The following GALNTL6 variants were observed in gnomAD, a reference collection of about 807,000 sequenced individuals.
GALNTL6 encodes the protein polypeptide N-acetylgalactosaminyltransferase-like 6.
A neutral mutation model predicts 73.7 loss-of-function variants in GALNTL6; 46 were observed. The ratio of observed to expected loss-of-function variants is 0.62; its 90% CI spans 0.49 to 0.80. The LOEUF (loss-of-function observed/expected upper bound fraction) is 0.80, where lower values mean the gene tolerates loss of function less well. Ranked by LOEUF, GALNTL6 falls within the 30% of genes least tolerant of loss-of-function variation. The pLI is 0.00. For synonymous variants in GALNTL6, 259 were observed against 263.7 expected (o/e 0.98, Z 0.17); for missense variants, 604 against 755.0 (o/e 0.80, Z 2.34).
chr4:172,027,722 C>T (rs1741632547), intron 2 of GALNTL6, among the ~76,000 whole-genome samples: 1 of 152,076 alleles, frequency 6.6e-6, no homozygotes, highest in Admixed American at 6.6e-5. Context: ...GTCTTCTGTG[C>T]CAAACAGCTC....
intron 2 of GALNTL6, among the ~76,000 whole-genome samples, chr4:172,206,835 T>A (rs1736143307): frequency 8.1e-6 from 1 of 123,382 alleles, no homozygotes; most frequent in Admixed American, 9.5e-5. Context: ...TTTTTTTTTT[T>A]GAGACGGAGT....
chr4:172,930,915 T>G (rs562414215), intron 8 of GALNTL6, among the ~76,000 whole-genome samples: 1 of 152,296 alleles, frequency 6.6e-6, no homozygotes, highest in African/African-American at 2.4e-5. Flanking sequence ...TCCTCCCTCC[T>G]TGGCCTCCCA....
Position 171,830,518 on chromosome 4 carries a change from T to C in GALNTL6, c.138+15800T>C, listed in dbSNP as rs142663330. On this transcript the variant is annotated intron_variant, in intron 2 of 12. Coordinates refer to ENST00000506823, the MANE Select transcript of GALNTL6 (RefSeq NM_001034845.3). ...ATATGTATACAAAAAAATAAGAGTA[T>C]ACACAATCAAAATATGTATAAATAT... Among the ~76,000 whole-genome samples the C allele has an allele frequency of 5.6e-3, 855 of 152,260 alleles. 16 individuals carry two copies. The highest frequency in any genetic ancestry group is 0.029 in the East Asian group (151 of 5,178).
Position 172,624,281 on chromosome 4 carries a change from G to A in GALNTL6, c.554-185080G>A, listed in dbSNP as rs181009173. Among the ~76,000 whole-genome samples, 525 of 151,906 alleles carry A rather than the reference G, an allele frequency of 3.5e-3. 1 individual carries two copies. Among genetic ancestry groups the A allele is most frequent in the Middle Eastern group, 6.8e-3 (2 of 294 alleles). ...TGTTGTTTTTGTTTTTTGTTTGTTT[G>A]TTTGTTTTTGTTTTAAAGCTGCTTT... On this transcript the variant is annotated intron_variant, in intron 5 of 12. Transcript: ENST00000506823.
intron 2 of GALNTL6, among the ~76,000 whole-genome samples, chr4:171,968,596 G>T (rs1188812854): frequency 6.6e-6 from 1 of 152,088 alleles, no homozygotes; most frequent in South Asian, 2.1e-4. Context: ...GTTACATTCT[G>T]ATGTTCCAGG....
rs115747155 is a variant in GALNTL6 at position 172,013,898 on chromosome 4, C to T, written c.138+199180C>T. Among the ~76,000 whole-genome samples the T allele has an allele frequency of 6.1e-3, 866 of 141,180 alleles. 7 individuals are homozygous for T. The highest frequency in any genetic ancestry group is 0.021 in the African/African-American group (818 of 39,186). The allele number at this position is 141,180 out of a possible 152,430, so 92.6% of individuals were successfully genotyped here. On this transcript the variant is annotated intron_variant, in intron 2 of 12. Transcript: ENST00000506823. ...TACCCTTCCCAGACTCTGATACCATCCTTCTACTCTATACCTCCATGAGTT... is the reference window on the plus strand; with the variant it reads ...TACCCTTCCCAGACTCTGATACCATTCTTCTACTCTATACCTCCATGAGTT...
chr4:172,017,758 G>T (rs1364646530), intron 2 of GALNTL6, among the ~76,000 whole-genome samples: 1 of 152,120 alleles, frequency 6.6e-6, no homozygotes, highest in African/African-American at 2.4e-5. Flanking sequence ...CTAAGAGCCA[G>T]ACTGCAGGAT....
chr4:172,363,077 C>T (rs1188070050), intron 5 of GALNTL6, among the ~76,000 whole-genome samples: 1 of 152,166 alleles, frequency 6.6e-6, no homozygotes. Flanking sequence ...TCAAAGTCCA[C>T]CCTCCCTGAA....
At chr4:172,720,179 C>T (rs1471078792) in intron 5 of GALNTL6, among the ~76,000 whole-genome samples, 1 of 152,154 alleles carries the variant, frequency 6.6e-6, no homozygotes, top group African/African-American at 2.4e-5. Flanking sequence ...TGTTACAGGG[C>T]TTTTCCTTAG....
chr4:171,941,150 G>A (rs1578991504), intron 2 of GALNTL6, among the ~76,000 whole-genome samples: 2 of 152,116 alleles, frequency 1.3e-5, no homozygotes. Context: ...TATGAATTTG[G>A]AAAGAACTGT....
chr4:172,695,871 T>C (rs1579351961), intron 5 of GALNTL6, among the ~76,000 whole-genome samples: 1 of 151,920 alleles, frequency 6.6e-6, no homozygotes, highest in African/African-American at 2.4e-5. Context: ...GAGAATGGCA[T>C]GAACCCAGGA....
intron 2 of GALNTL6, among the ~76,000 whole-genome samples, chr4:172,024,712 A>G (rs1741502394): frequency 6.6e-6 from 1 of 151,994 alleles, no homozygotes; most frequent in Non-Finnish European, 1.5e-5. Context: ...GAGAGTATCC[A>G]GAAGTAGGCT....
At chr4:172,165,012 CAAAGAGGTT>C (rs1216981335) in intron 2 of GALNTL6, among the ~76,000 whole-genome samples, 4 of 152,060 alleles carry the variant, frequency 2.6e-5, no homozygotes, top group African/African-American at 9.7e-5. Context: ...AAGAGGATTC[CAAAGAGGTT>C]AAGGAAAATC....
intron 3 of GALNTL6, among the ~76,000 whole-genome samples, chr4:172,289,880 A>G (rs1471445055): frequency 6.6e-6 from 1 of 152,166 alleles, no homozygotes; most frequent in Non-Finnish European, 1.5e-5. Context: ...GACTTAAGCT[A>G]TTCTCTAGAC....
chr4:171,852,786 G>C (rs570384100), intron 2 of GALNTL6, among the ~76,000 whole-genome samples: 20 of 118,956 alleles, frequency 1.7e-4, no homozygotes, highest in African/African-American at 5.6e-4. Flanking sequence ...ATGAATTCCA[G>C]AGTCATATTA....
chr4:172,495,544 C>T (rs1734043495), intron 5 of GALNTL6, among the ~76,000 whole-genome samples: 1 of 152,190 alleles, frequency 6.6e-6, no homozygotes, highest in Admixed American at 6.5e-5. Context: ...CCGCTTTTGT[C>T]CTCCAGAGGA....
intron 2 of GALNTL6, among the ~76,000 whole-genome samples, chr4:171,907,614 T>C (rs992927440): frequency 3.9e-5 from 6 of 151,988 alleles, no homozygotes; most frequent in African/African-American, 1.5e-4. Flanking sequence ...AAGCTACCAA[T>C]GACTTTCTTC....
intron 5 of GALNTL6, among the ~76,000 whole-genome samples, chr4:172,503,047 T>TA (rs1183422403): frequency 6.6e-6 from 1 of 152,198 alleles, no homozygotes; most frequent in Non-Finnish European, 1.5e-5. Context: ...CAAAAGAATG[T>TA]AAAACATGAG....
chr4:172,262,818 T>A (rs535151409), intron 3 of GALNTL6, among the ~76,000 whole-genome samples: 1 of 151,740 alleles, frequency 6.6e-6, no homozygotes, highest in African/African-American at 2.4e-5. Context: ...GGCTTAGTAG[T>A]GGCAAATTTT....
Sources: allele counts gnomAD v4.1 joint callset (sites outside exome capture counted in the v4.1 genomes callset), GRCh38; gene constraint gnomAD v4.1.1; transcripts MANE v1.5; gene names NCBI Gene and HGNC (gene_info 2026-07-23, HGNC 2026-07-21).